The following ADCYAP1R1 variants were observed in gnomAD, a reference collection of about 807,000 sequenced individuals.
The protein encoded by ADCYAP1R1 is ADCYAP receptor type I, also known as pituitary adenylate cyclase-activating polypeptide type I receptor.
In ADCYAP1R1, 44 loss-of-function variants were observed where a neutral mutation model predicts 67.6. The ratio of observed to expected loss-of-function variants is 0.65; its 90% CI spans 0.51 to 0.84. ADCYAP1R1 has a LOEUF of 0.84. Among genes scored for constraint, ADCYAP1R1 ranks in the 40% least tolerant of loss-of-function variants. ADCYAP1R1 has a pLI of 0.00. For missense variants in ADCYAP1R1, 477 were observed against 587.9 expected, an observed-to-expected ratio of 0.81 and a Z score of 1.95; for synonymous variants, 222 against 219.6, an observed-to-expected ratio of 1.01 and a Z score of -0.10.
At chr7:31,105,056 C>T (rs1478984039) in intron 15 of ADCYAP1R1, 147 bp downstream of exon 15, 1 of 825,632 alleles carries the variant, frequency 1.2e-6, no homozygotes, top group Non-Finnish European at 2.0e-6. Context: ...GCTGGTCATA[C>T]AGCTCCTGGC....
rs368963265 is a variant in ADCYAP1R1, at chr7:31,100,989, G to A, written c.1047-2248G>A. 5.3e-5 allele frequency among the ~76,000 whole-genome samples: 8 copies of A among 152,326 alleles called. No individual in the cohort carries two copies. The East Asian group carries it at 5.8e-4, about 11-fold the overall frequency. ...GCAGGAGGACAGAGGCCTAGGCCCCGTGTCATTTTGGGTAATGGCTCACAT... is the reference window on the plus strand; with the variant it reads ...GCAGGAGGACAGAGGCCTAGGCCCCATGTCATTTTGGGTAATGGCTCACAT... On this transcript the variant is annotated intron_variant, in intron 13 of 15. Transcript: ENST00000304166.
At chr7:31,079,445 A>G (rs1443330495) in intron 4 of ADCYAP1R1, among the ~76,000 whole-genome samples, 3 of 152,196 alleles carry the variant, frequency 2.0e-5, no homozygotes, top group Non-Finnish European at 4.4e-5. Context: ...ACCTGGCCTT[A>G]GCGTTCTTCT....
intron 1 of ADCYAP1R1, among the ~76,000 whole-genome samples, chr7:31,054,791 G>A (rs1794172163): frequency 6.6e-6 from 1 of 152,220 alleles, no homozygotes; most frequent in South Asian, 2.1e-4. Flanking sequence ...GCTTGCCTGA[G>A]ACCCACCCAC....
intron 1 of ADCYAP1R1, among the ~76,000 whole-genome samples, chr7:31,059,709 G>A (rs1352366609): frequency 1.3e-5 from 2 of 152,158 alleles, no homozygotes; most frequent in Admixed American, 1.3e-4. Context: ...GTTTGGGGCA[G>A]GCAGCCTAAG....
chr7:31,060,913 C>G (rs1164075424), intron 1 of ADCYAP1R1, among the ~76,000 whole-genome samples: 1 of 152,220 alleles, frequency 6.6e-6, no homozygotes, highest in Admixed American at 6.5e-5. Flanking sequence ...ACCTGGAGAA[C>G]TTTAAACAAC....
At chr7:31,095,641 C>G (rs1284104993) in intron 13 of ADCYAP1R1, 2 of 717,500 alleles carry the variant, frequency 2.8e-6, no homozygotes, top group East Asian at 5.4e-5. Flanking sequence ...CACAACAGCT[C>G]TCCGGTTTTT....
chr7:31,063,449 C>G, intron 2 of ADCYAP1R1, 134 bp downstream of exon 2: 9 of 883,716 alleles, frequency 1.0e-5, no homozygotes, highest in South Asian at 1.5e-5. Flanking sequence ...ACCACTGGGC[C>G]ACCCAGTGCC....
At chr7:31,072,858 C>A (rs1795045586) in intron 3 of ADCYAP1R1, among the ~76,000 whole-genome samples, 1 of 152,174 alleles carries the variant, frequency 6.6e-6, no homozygotes, top group Admixed American at 6.5e-5. Flanking sequence ...TCACATGGGT[C>A]CTTATAAGTG....
rs537461129 is a variant in ADCYAP1R1 at position 31,102,270 on chromosome 7, C to T, written c.1047-967C>T. Reference sequence around the variant, plus strand: ...TCCTCTGGAGGAGATGGGCCAGGTGCAGCCTGGGGGCAGGCCACATCTGCG... The same window carrying T: ...TCCTCTGGAGGAGATGGGCCAGGTGTAGCCTGGGGGCAGGCCACATCTGCG... On this transcript the variant is annotated intron_variant, in intron 13 of 15. Coordinates refer to ENST00000304166, the MANE Select transcript of ADCYAP1R1 (RefSeq NM_001118.5). The surrounding 1 kb of genome is among the most constrained non-coding windows in gnomAD (Gnocchi z 4.3). Among the ~76,000 whole-genome samples, 37 of 152,356 alleles carry T rather than the reference C, an allele frequency of 2.4e-4. No individual in the cohort carries two copies. The highest frequency in any genetic ancestry group is 1.8e-3 in the Admixed American group (28 of 15,308).
intron 15 of ADCYAP1R1, 87 bp from the exon 16 acceptor site, chr7:31,106,409 G>A (rs1796649131): frequency 1.4e-6 from 2 of 1,478,258 alleles, no homozygotes; most frequent in Non-Finnish European, 1.8e-6. Flanking sequence ...GGCACTGCCA[G>A]CCTGGGAAGG....
At chr7:31,105,457 C>T (rs1796601732) in intron 15 of ADCYAP1R1, among the ~76,000 whole-genome samples, 5 of 152,228 alleles carry the variant, frequency 3.3e-5, no homozygotes, top group Admixed American at 3.3e-4. Flanking sequence ...ATTAATACTC[C>T]ATTGCCAGAG....
In ADCYAP1R1 at chr7:31,109,379, G is replaced by A. The variant is rs1796770626; in HGVS notation, c.*2695G>A. The A allele has an allele frequency of 6.6e-6, 1 of 152,262 alleles. No individual in the cohort carries two copies. The highest frequency in any genetic ancestry group is 2.4e-5 in the African/African-American group (1 of 41,450). 9.4% of individuals were successfully genotyped at this position (152,262 alleles called of 1,614,324 possible). A position where few individuals can be genotyped will look rare whatever the true frequency, so the allele number is the denominator to read the frequency against. ...ATCTGTAAAATGGGCAATAAGACTAGATGATTTGTATATAGCCCAATGCAT... is the reference window on the plus strand; with the variant it reads ...ATCTGTAAAATGGGCAATAAGACTAAATGATTTGTATATAGCCCAATGCAT... On this transcript the variant is annotated 3_prime_UTR_variant, in exon 16 of 16. Coordinates refer to ENST00000304166, the MANE Select transcript of ADCYAP1R1 (RefSeq NM_001118.5).
At chr7:31,068,215 G>GCGCA (rs35207713) in intron 3 of ADCYAP1R1, among the ~76,000 whole-genome samples, 9,597 of 149,884 alleles carry the variant, frequency 0.064, 321 homozygotes, top group Non-Finnish European at 0.075. Flanking sequence ...ATGTGCGCGC[G>GCGCA]CACACACACA....
In ADCYAP1R1 at chr7:31,098,599, T is replaced by C. The variant is rs1183491473; in HGVS notation, c.1047-4638T>C. ...AAACCAAACCTCGACATTCCTCTTCTGGAAAAGGGGATCTGTAGTGCCCAC... is the reference window on the plus strand; with the variant it reads ...AAACCAAACCTCGACATTCCTCTTCCGGAAAAGGGGATCTGTAGTGCCCAC... On this transcript the variant is annotated intron_variant, in intron 13 of 15. Transcript: ENST00000304166. Among the ~76,000 whole-genome samples, 14 of 151,484 alleles carry C rather than the reference T, an allele frequency of 9.2e-5. No individual in the cohort carries two copies. The Admixed American group carries it at 9.3e-4, about 10-fold the overall frequency.
chr7:31,074,094 G>A (rs1050418583), intron 3 of ADCYAP1R1, among the ~76,000 whole-genome samples: 1 of 152,184 alleles, frequency 6.6e-6, no homozygotes, highest in East Asian at 1.9e-4. Context: ...GTGAATCTCT[G>A]TTCCAGATTT....
Position 31,084,173 on chromosome 7 carries a change from G to T in ADCYAP1R1, c.361G>T (p.Asp121Tyr). 6.2e-7 allele frequency: 1 copy of T among 1,614,182 alleles called. No individual in the cohort carries two copies. Among genetic ancestry groups the T allele is most frequent in the Non-Finnish European group, 8.5e-7 (1 of 1,180,040 alleles). The change falls in exon 7 of 16, where the codon GAT becomes TAT. Residue 121 changes from aspartate (D) to tyrosine (Y), a missense_variant. Transcript: ENST00000304166. ...MGVVSRNCTE[D>Y]GWSEPFPHYF... ...AGTGGTGAGCCGGAACTGCACGGAG[G>T]ATGGCTGGTCGGAACCCTTCCCTCA...
intron 4 of ADCYAP1R1, among the ~76,000 whole-genome samples, chr7:31,078,413 T>G (rs577343168): frequency 6.6e-6 from 1 of 152,268 alleles, no homozygotes; most frequent in South Asian, 2.1e-4. Context: ...CCCAGGGTGC[T>G]TCTGTGAGGG....
intron 13 of ADCYAP1R1, chr7:31,095,878 C>T: frequency 1.6e-6 from 1 of 628,898 alleles, no homozygotes; most frequent in East Asian, 2.7e-5. Context: ...GGCACTGAGC[C>T]ACTCGTCCTC....
At chr7:31,084,648 C>T in intron 7 of ADCYAP1R1, 89 bp from the exon 8 acceptor site, 1 of 1,100,606 alleles carries the variant, frequency 9.1e-7, no homozygotes, top group Non-Finnish European at 1.4e-6. Context: ...TGGGCAGGCC[C>T]TGGCCTGGGA....
Sources: allele counts gnomAD v4.1 joint callset (sites outside exome capture counted in the v4.1 genomes callset), GRCh38; gene constraint gnomAD v4.1.1; non-coding constraint Gnocchi (gnomAD v3.1); transcripts MANE v1.5; gene names NCBI Gene and HGNC (gene_info 2026-07-23, HGNC 2026-07-21).